The following PACC1 variants were observed in gnomAD, a reference collection of about 807,000 sequenced individuals.
PACC1 encodes the protein proton-activated chloride channel.
Under a neutral mutation model 39.7 loss-of-function variants are expected in PACC1, and 34 were observed. The ratio of observed to expected loss-of-function variants is 0.86; its 90% CI spans 0.65 to 1.14. The LOEUF is 1.14. Ranked by LOEUF, PACC1 falls within the 50% of genes most tolerant of loss-of-function variation. The probability of loss-of-function intolerance (pLI) is 0.00; values close to 1 mark genes in which losing one functional copy is unlikely to be tolerated. For synonymous variants in PACC1, 127 were observed against 160.6 expected, an observed-to-expected ratio of 0.79 and a Z score of 1.58; for missense variants, 379 against 436.4, an observed-to-expected ratio of 0.87 and a Z score of 1.17.
intron 7 of PACC1, among the ~76,000 whole-genome samples, chr1:212,373,749 A>C (rs554703764): frequency 6.6e-6 from 1 of 152,346 alleles, no homozygotes; most frequent in South Asian, 2.1e-4. Flanking sequence ...GCATATGAAA[A>C]TATGCTCAAC....
intron 4 of PACC1, among the ~76,000 whole-genome samples, chr1:212,381,087 T>C (rs1206610876): frequency 6.6e-6 from 1 of 152,260 alleles, no homozygotes; most frequent in African/African-American, 2.4e-5. Flanking sequence ...AACTGCACTA[T>C]TCAATTCTTA....
At chr1:212,401,767 G>A (rs560719786) in intron 2 of PACC1, among the ~76,000 whole-genome samples, 3 of 145,864 alleles carry the variant, frequency 2.1e-5, no homozygotes, top group Non-Finnish European at 3.0e-5. Flanking sequence ...TCCACCTCCC[G>A]GGTTCAAGTG....
intron 4 of PACC1, among the ~76,000 whole-genome samples, 183 bp downstream of exon 4, chr1:212,385,091 T>C (rs1327438737): frequency 6.6e-6 from 1 of 152,222 alleles, no homozygotes; most frequent in Non-Finnish European, 1.5e-5. Context: ...CTGTCCTCCC[T>C]GAATGCAAGT....
At chr1:212,389,356 G>C (rs1661220580) in intron 2 of PACC1, among the ~76,000 whole-genome samples, 1 of 152,174 alleles carries the variant, frequency 6.6e-6, no homozygotes, top group South Asian at 2.1e-4. Flanking sequence ...ACTGGAAATT[G>C]AAAGAACTGC....
intron 4 of PACC1, among the ~76,000 whole-genome samples, chr1:212,382,768 C>T (rs1325380584): frequency 6.6e-6 from 1 of 152,216 alleles, no homozygotes; most frequent in African/African-American, 2.4e-5. Flanking sequence ...ACAAGCTGTG[C>T]AGCCACCAGG....
At chr1:212,387,215 GC>G in intron 2 of PACC1, 115 bp from the exon 3 acceptor site, 1 of 940,082 alleles carries the variant, frequency 1.1e-6, no homozygotes, top group Non-Finnish European at 1.6e-6. Context: ...TCACCTGCAC[GC>G]CCAACCTTTC....
rs554242238 is a variant in PACC1, at chr1:212,406,329, C to A, written c.133+4096G>T. The stretch of plus-strand genomic sequence containing the variant: ...GTTAGGAGTTCAAGACCAGCCTGGC[C>A]AACATGGCAAAACCTCGTCTCTACT... On this transcript the variant is annotated intron_variant, in intron 2 of 7. Coordinates refer to ENST00000261455, the MANE Select transcript of PACC1 (RefSeq NM_018252.3). Among the ~76,000 whole-genome samples, 6 of 152,116 alleles carry A rather than the reference C, an allele frequency of 3.9e-5. No individual in the cohort carries two copies. In the East Asian group the frequency reaches 1.2e-3, roughly 29 times the overall value.
rs1660162361 is a variant in PACC1 at position 212,364,521 on chromosome 1, T to G, written c.*694A>C. 1 of 152,636 alleles carries G rather than the reference T, an allele frequency of 6.6e-6. No individual in the cohort carries two copies. Among genetic ancestry groups the G allele is most frequent in the African/African-American group, 2.4e-5 (1 of 41,464 alleles). The allele number at this position is 152,636 out of a possible 1,614,324, so 9.5% of individuals were successfully genotyped here. A position where few individuals can be genotyped will look rare whatever the true frequency, so the allele number is the denominator to read the frequency against. On this transcript the variant is annotated 3_prime_UTR_variant, in exon 8 of 8. Coordinates refer to ENST00000261455, the MANE Select transcript of PACC1 (RefSeq NM_018252.3). ...TTACCTGTTAATGAAATCATCAAAA[T>G]ACAATGAGTAGGCACCTTCTATGTA...
intron 7 of PACC1, among the ~76,000 whole-genome samples, chr1:212,365,848 T>A (rs1234359998): frequency 6.6e-6 from 1 of 152,212 alleles, no homozygotes; most frequent in Non-Finnish European, 1.5e-5. Context: ...TGTGGCCTAA[T>A]CCAACAATAA....
intron 4 of PACC1, among the ~76,000 whole-genome samples, chr1:212,381,370 T>C (rs1660873455): frequency 6.6e-6 from 1 of 152,192 alleles, no homozygotes; most frequent in Admixed American, 6.5e-5. Context: ...CGTTGCATCT[T>C]CTCAAGACAG....
rs189162118 is a variant in PACC1, at chr1:212,367,951, G to A, written c.892-2575C>T. ...ACCCCAGTATTGCATTGGTTTAGGA[G>A]GGACCCAGGGTGGTGCCAGCTGTGA... On this transcript the variant is annotated intron_variant, in intron 7 of 7. Transcript: ENST00000261455. 2.6e-5 allele frequency among the ~76,000 whole-genome samples: 4 copies of A among 152,214 alleles called. No homozygotes were observed. In the East Asian group the frequency reaches 7.7e-4, roughly 29 times the overall value.
At position 212,379,833 on chromosome 1, in the gene PACC1, A is replaced by G; in HGVS notation, c.638+62T>C. The G allele has an allele frequency of 2.5e-6, 4 of 1,601,076 alleles. No individual in the cohort carries two copies. In the East Asian group the frequency reaches 8.9e-5, roughly 36 times the overall value. On this transcript the variant is annotated intron_variant, in intron 5 of 7. Transcript: ENST00000261455. The stretch of plus-strand genomic sequence containing the variant: ...ACCCCTCCGTCTCTAGCCTTGGGAC[A>G]TACACAGCTGGAATAAGATAAAAAG...
chr1:212,414,002 A>C (rs1662232962), intron 1 of PACC1: 1 of 1,535,770 alleles, frequency 6.5e-7, no homozygotes, highest in Non-Finnish European at 8.7e-7. Context: ...GTGGAGGCGG[A>C]GGAGGAGAGC....
intron 2 of PACC1, among the ~76,000 whole-genome samples, chr1:212,392,090 G>A (rs905234779): frequency 7.9e-5 from 12 of 152,120 alleles, no homozygotes; most frequent in African/African-American, 2.7e-4. Context: ...GAAATACAGA[G>A]AATGCCACAA....
chr1:212,390,562 T>G (rs1324698017), intron 2 of PACC1, among the ~76,000 whole-genome samples: 3 of 147,370 alleles, frequency 2.0e-5, no homozygotes, highest in African/African-American at 7.6e-5. Flanking sequence ...AGGTACTGGG[T>G]TCGTATCACT....
chr1:212,381,198 TA>T (rs1042687873), intron 4 of PACC1, among the ~76,000 whole-genome samples: 2 of 152,246 alleles, frequency 1.3e-5, no homozygotes, highest in African/African-American at 2.4e-5. Flanking sequence ...GGGTTTTGCT[TA>T]AAATATATAA....
intron 5 of PACC1, among the ~76,000 whole-genome samples, chr1:212,379,375 GT>G (rs1660792131): frequency 1.3e-5 from 2 of 152,214 alleles, no homozygotes; most frequent in South Asian, 4.1e-4. Context: ...GCTGTTAGTA[GT>G]TTTGGGGGTC....
chr1:212,377,776 TG>T (rs1235372994), intron 5 of PACC1, 70 bp from the exon 6 acceptor site: 6 of 1,562,090 alleles, frequency 3.8e-6, no homozygotes, highest in Non-Finnish European at 5.2e-6. Flanking sequence ...AAGCCCCCAC[TG>T]CAAGCTGGTT....
rs34222207 is a variant in PACC1, at chr1:212,396,701, TA to T, written c.134-9602del. ...TCAATAAACGCCAACCAGGATAACT[TA>T]AAAAAAAAAAAAAAAAACCATCCCG... On this transcript the variant is annotated intron_variant, in intron 2 of 7. Coordinates refer to ENST00000261455, the MANE Select transcript of PACC1 (RefSeq NM_018252.3). 5.1e-3 allele frequency among the ~76,000 whole-genome samples: 489 copies of T among 95,444 alleles called. 3 individuals carry two copies. Among genetic ancestry groups the T allele is most frequent in the African/African-American group, 0.014 (355 of 24,654 alleles). The allele number at this position is 95,444 out of a possible 152,430, so 62.6% of individuals were successfully genotyped here.
Sources: gnomAD v4.1 joint callset for allele counts (sites outside exome capture counted in the v4.1 genomes callset) on GRCh38, gnomAD v4.1.1 for gene constraint, MANE v1.5 for transcripts, NCBI Gene and HGNC (gene_info 2026-07-23, HGNC 2026-07-21) for gene names.